The following PTPRD variants were observed in gnomAD, a reference collection of about 807,000 sequenced individuals.
The protein encoded by PTPRD is protein tyrosine phosphatase receptor type D.
In PTPRD, 34 loss-of-function variants were observed where a neutral mutation model predicts 214.5. The observed-to-expected ratio is 0.16, with a 90% CI of 0.12 to 0.21. The LOEUF (loss-of-function observed/expected upper bound fraction) is 0.21. Ranked by LOEUF, PTPRD falls within the 10% of genes least tolerant of loss-of-function variation. The pLI, the probability that PTPRD is intolerant of heterozygous loss-of-function variation, is 1.00. For synonymous variants in PTPRD, 1,128 were observed against 845.7 expected (o/e 1.33, Z -5.79); for missense variants, 2,545 against 2,398.7 (o/e 1.06, Z -1.27).
intron 2 of PTPRD, among the ~76,000 whole-genome samples, chr9:10,507,565 T>G (rs967139474): frequency 6.6e-6 from 1 of 152,066 alleles, no homozygotes; most frequent in African/African-American, 2.4e-5. Flanking sequence ...AAGACTACAG[T>G]AACCAAAACA....
At chr9:9,871,693 G>A (rs898829385) in intron 5 of PTPRD, among the ~76,000 whole-genome samples, 1 of 150,770 alleles carries the variant, frequency 6.6e-6, no homozygotes, top group Non-Finnish European at 1.5e-5. Flanking sequence ...GAAGTGCAGG[G>A]GCAGAGGGTA....
In PTPRD at chr9:8,406,686, T is replaced by C. The variant is rs374444166; in HGVS notation, c.4087-2026A>G. 2.4e-4 allele frequency among the ~76,000 whole-genome samples: 36 copies of C among 152,332 alleles called. No homozygotes were observed. In the South Asian group the frequency reaches 5.8e-3, roughly 25 times the overall value. Reference sequence around the variant, plus strand: ...GAGAAAAGTTCATAAAGAGAAATCATAGAGTAATTCCTCTATATAACATGA... The same window carrying C: ...GAGAAAAGTTCATAAAGAGAAATCACAGAGTAATTCCTCTATATAACATGA... On this transcript the variant is annotated intron_variant, in intron 35 of 45. Coordinates refer to ENST00000381196, the MANE Select transcript of PTPRD (RefSeq NM_002839.4).
intron 11 of PTPRD, among the ~76,000 whole-genome samples, chr9:9,000,560 T>C (rs560000431): frequency 6.6e-6 from 1 of 152,102 alleles, no homozygotes; most frequent in African/African-American, 2.4e-5. Flanking sequence ...AACAAGAACA[T>C]TTATTTATTA....
intron 5 of PTPRD, among the ~76,000 whole-genome samples, chr9:9,783,342 A>G (rs1432220553): frequency 1.3e-5 from 2 of 152,144 alleles, no homozygotes; most frequent in African/African-American, 4.8e-5. Context: ...CTGAGCTAAT[A>G]ATTGGACTAG....
At chr9:9,372,730 T>C (rs989018132) in intron 9 of PTPRD, among the ~76,000 whole-genome samples, 5 of 152,198 alleles carry the variant, frequency 3.3e-5, no homozygotes, top group South Asian at 4.1e-4. Flanking sequence ...CAATTTGGCA[T>C]GTTTTCGCAG....
chr9:8,743,409 G>A (rs2092357785), intron 11 of PTPRD, among the ~76,000 whole-genome samples: 1 of 152,192 alleles, frequency 6.6e-6, no homozygotes, highest in South Asian at 2.1e-4. Flanking sequence ...CATGTCTCAT[G>A]ATGGGAGCTT....
intron 39 of PTPRD, among the ~76,000 whole-genome samples, chr9:8,359,739 G>C (rs545608533): frequency 1.3e-5 from 2 of 152,176 alleles, no homozygotes; most frequent in African/African-American, 2.4e-5. Context: ...AGAGACTCAG[G>C]AACAGAGACT....
chr9:10,154,159 G>A (rs1186475627), intron 3 of PTPRD, among the ~76,000 whole-genome samples: 2 of 152,046 alleles, frequency 1.3e-5, no homozygotes, highest in African/African-American at 4.8e-5. Flanking sequence ...TTTAACTATA[G>A]CCATTCTGAC....
At chr9:9,962,073 T>G (rs908223211) in intron 4 of PTPRD, among the ~76,000 whole-genome samples, 49 of 152,158 alleles carry the variant, frequency 3.2e-4, no homozygotes, top group African/African-American at 1.1e-3. Flanking sequence ...TTAGTTCACC[T>G]AAGTTGCAGA....
chr9:9,416,448 A>G (rs1055882486), intron 8 of PTPRD, among the ~76,000 whole-genome samples: 2 of 152,158 alleles, frequency 1.3e-5, no homozygotes, highest in African/African-American at 4.8e-5. Context: ...TGATAATTAA[A>G]TAATGTATAT....
chr9:8,583,782 T>C (rs2093396830), intron 14 of PTPRD, among the ~76,000 whole-genome samples: 1 of 152,226 alleles, frequency 6.6e-6, no homozygotes, highest in Non-Finnish European at 1.5e-5. Flanking sequence ...TTCTGAAGTA[T>C]GCATGACAGA....
At chr9:9,607,624 GAGA>G (rs1307960809) in intron 7 of PTPRD, among the ~76,000 whole-genome samples, 1 of 152,030 alleles carries the variant, frequency 6.6e-6, no homozygotes, top group African/African-American at 2.4e-5. Flanking sequence ...CGCCTGAGAG[GAGA>G]AGGTTTAACC....
At chr9:10,373,393 T>C (rs1247757703) in intron 2 of PTPRD, among the ~76,000 whole-genome samples, 1 of 152,108 alleles carries the variant, frequency 6.6e-6, no homozygotes, top group East Asian at 1.9e-4. Context: ...GAATCTAACA[T>C]TCAGATTATT....
chr9:9,888,767 CA>C (rs1350166082), intron 5 of PTPRD, among the ~76,000 whole-genome samples: 1 of 152,064 alleles, frequency 6.6e-6, no homozygotes, highest in Non-Finnish European at 1.5e-5. Context: ...TGCCCAGCCT[CA>C]AGTGTTCCTT....
In PTPRD at chr9:10,363,991, G is replaced by GTTTTTTTGTTTTTTTTTT. The variant is rs1485501417; in HGVS notation, c.-599-22975_-599-22974insAAAAAAAAAACAAAAAAA. 6.1e-3 allele frequency among the ~76,000 whole-genome samples: 215 copies of GTTTTTTTGTTTTTTTTTT among 35,122 alleles called. 40 individuals carry two copies. Among genetic ancestry groups the GTTTTTTTGTTTTTTTTTT allele is most frequent in the Middle Eastern group, 0.026 (1 of 38 alleles). 23.0% of individuals were successfully genotyped at this position (35,122 alleles called of 152,430 possible). A position where few individuals can be genotyped will look rare whatever the true frequency, so the allele number is the denominator to read the frequency against. The stretch of plus-strand genomic sequence containing the variant: ...ATTATTATTGCCTCCACATTTTCGG[G>GTTTTTTTGTTTTTTTTTT]TTTTTTTTTTTTTTTTTTTTTTTTT... On this transcript the variant is annotated intron_variant, in intron 2 of 45. Coordinates refer to ENST00000381196, the MANE Select transcript of PTPRD (RefSeq NM_002839.4).
intron 2 of PTPRD, among the ~76,000 whole-genome samples, chr9:10,437,128 A>G (rs1359826913): frequency 6.6e-6 from 1 of 151,772 alleles, no homozygotes; most frequent in African/African-American, 2.4e-5. Flanking sequence ...AGAACCCATC[A>G]TCCCTATATA....
intron 12 of PTPRD, among the ~76,000 whole-genome samples, chr9:8,648,555 C>A (rs1342114985): frequency 1.3e-5 from 2 of 152,220 alleles, no homozygotes; most frequent in Admixed American, 6.5e-5. Context: ...CACTTAACAT[C>A]TTCCACATTA....
At chr9:8,888,395 T>G (rs1439531621) in intron 11 of PTPRD, among the ~76,000 whole-genome samples, 1 of 152,176 alleles carries the variant, frequency 6.6e-6, no homozygotes, top group Admixed American at 6.5e-5. Flanking sequence ...ACCCAATGGT[T>G]TTCTTACCAC....
intron 8 of PTPRD, among the ~76,000 whole-genome samples, chr9:9,479,213 A>ACC (rs2095275088): frequency 2.8e-5 from 1 of 36,296 alleles, no homozygotes; most frequent in Non-Finnish European, 4.8e-5. Flanking sequence ...ATACACACAC[A>ACC]CGCCCCCCCC....
Sources: allele counts gnomAD v4.1 joint callset (sites outside exome capture counted in the v4.1 genomes callset), GRCh38; gene constraint gnomAD v4.1.1; transcripts MANE v1.5; gene names NCBI Gene and HGNC (gene_info 2026-07-23, HGNC 2026-07-21).